NKAIN3: variants seen among roughly 807,000 people sequenced by gnomAD.
NKAIN3 encodes sodium/potassium-transporting ATPase subunit beta-1-interacting protein 3.
In NKAIN3, 25 loss-of-function variants were observed where a neutral mutation model predicts 30.2. That is an observed-to-expected ratio of 0.83 (90% CI 0.60 to 1.16). NKAIN3 has a LOEUF of 1.16. Ranked by LOEUF, NKAIN3 falls within the 50% of genes most tolerant of loss-of-function variation. The pLI, the probability that NKAIN3 is intolerant of heterozygous loss-of-function variation, is 0.00. For missense variants in NKAIN3, 225 were observed against 254.1 expected (o/e 0.89, Z 0.78); for synonymous variants, 91 against 89.6 (o/e 1.02, Z -0.09).
intron 1 of NKAIN3, among the ~76,000 whole-genome samples, chr8:62,303,006 C>T (rs987681425): frequency 3.3e-5 from 5 of 150,250 alleles, no homozygotes; most frequent in Admixed American, 6.6e-5. Flanking sequence ...CTGAGTTCTA[C>T]TTCAGGGGAT....
In NKAIN3 at chr8:62,967,041, C is replaced by T. The variant is rs1256244118; in HGVS notation, c.*1634C>T. On this transcript the variant is annotated 3_prime_UTR_variant, in exon 7 of 7. Coordinates refer to ENST00000623646, the MANE Select transcript of NKAIN3 (RefSeq NM_001304533.3). ...TTACTCACTAGCCTCCAGATTTTAC[C>T]CCTTTAATCCATTGGTACCCACAAA... Among the ~76,000 whole-genome samples the T allele has an allele frequency of 6.6e-6, 1 of 152,142 alleles. No homozygotes were observed. The highest frequency in any genetic ancestry group is 2.4e-5 in the African/African-American group (1 of 41,436).
intron 4 of NKAIN3, among the ~76,000 whole-genome samples, chr8:62,758,977 G>A (rs1285274432): frequency 6.6e-6 from 1 of 152,114 alleles, no homozygotes; most frequent in Non-Finnish European, 1.5e-5. Context: ...ATGGTCCCTG[G>A]AGATTCTCAA....
At position 62,560,755 on chromosome 8, in the gene NKAIN3, G is replaced by A. The variant is rs549219909; in HGVS notation, c.55-18784G>A. ...GGGGTTTCACCATGGTGGCCAGGCT[G>A]ACCCTGAACTCCTGACCTCAGGTAA... On this transcript the variant is annotated intron_variant, in intron 1 of 6. Coordinates refer to ENST00000623646, the MANE Select transcript of NKAIN3 (RefSeq NM_001304533.3). Among the ~76,000 whole-genome samples the A allele has an allele frequency of 4.4e-3, 670 of 151,828 alleles. 1 individual carries two copies. The highest frequency in any genetic ancestry group is 0.02 in the Middle Eastern group (6 of 294).
chr8:62,898,798 A>T (rs1356981410), intron 4 of NKAIN3, among the ~76,000 whole-genome samples: 1 of 148,814 alleles, frequency 6.7e-6, no homozygotes, highest in Non-Finnish European at 1.5e-5. Flanking sequence ...GAGATGATGT[A>T]CAGAATGGGA....
intron 3 of NKAIN3, among the ~76,000 whole-genome samples, chr8:62,663,784 GA>G (rs1249935690): frequency 1.3e-5 from 2 of 152,116 alleles, no homozygotes; most frequent in African/African-American, 4.8e-5. Context: ...TAATACAAAA[GA>G]ATAAAGGATC....
intron 3 of NKAIN3, among the ~76,000 whole-genome samples, chr8:62,707,792 T>C (rs1266719087): frequency 6.6e-6 from 1 of 152,172 alleles, no homozygotes; most frequent in African/African-American, 2.4e-5. Flanking sequence ...CATCATGAAA[T>C]CCTCGCCAAA....
intron 3 of NKAIN3, among the ~76,000 whole-genome samples, chr8:62,595,071 T>G (rs1810779572): frequency 2.0e-5 from 3 of 152,048 alleles, no homozygotes; most frequent in South Asian, 2.1e-4. Flanking sequence ...CCTGTTTTTC[T>G]TATTATTGTT....
At chr8:62,705,715 A>C (rs1814496887) in intron 3 of NKAIN3, among the ~76,000 whole-genome samples, 2 of 151,610 alleles carry the variant, frequency 1.3e-5, no homozygotes, top group Non-Finnish European at 1.5e-5. Context: ...TTTCTATTGA[A>C]TTTTTCGCTT....
Position 62,979,244 on chromosome 8 carries a change from A to G in NKAIN3, c.*13837A>G, listed in dbSNP as rs1384920395. On this transcript the variant is annotated 3_prime_UTR_variant, in exon 7 of 7. Coordinates refer to ENST00000623646, the MANE Select transcript of NKAIN3 (RefSeq NM_001304533.3). ...GTGTGTGAAAGAGAGAGAGAAACAG[A>G]AACAGAGACAAGGAGACAGAGACAG... 6.6e-6 allele frequency: 1 copy of G among 152,154 alleles called. No individual in the cohort carries two copies. The highest frequency in any genetic ancestry group is 1.9e-4 in the East Asian group (1 of 5,182). 9.4% of individuals were successfully genotyped at this position (152,154 alleles called of 1,614,324 possible). A position where few individuals can be genotyped will look rare whatever the true frequency, so the allele number is the denominator to read the frequency against.
At chr8:62,711,072 C>A (rs1814702167) in intron 3 of NKAIN3, among the ~76,000 whole-genome samples, 1 of 152,150 alleles carries the variant, frequency 6.6e-6, no homozygotes, top group African/African-American at 2.4e-5. Flanking sequence ...CCCCCAACCT[C>A]TTCTAGCTTG....
At chr8:62,694,348 A>G (rs1351653479) in intron 3 of NKAIN3, among the ~76,000 whole-genome samples, 1 of 152,172 alleles carries the variant, frequency 6.6e-6, no homozygotes, top group Non-Finnish European at 1.5e-5. Context: ...TGCTATATAC[A>G]TACAATAGGA....
chr8:62,595,495 A>G (rs572385270), intron 3 of NKAIN3, among the ~76,000 whole-genome samples: 73 of 150,358 alleles, frequency 4.9e-4, no homozygotes, highest in African/African-American at 1.5e-3. Flanking sequence ...GCCAGCTCCA[A>G]TACCTGGGTT....
At chr8:62,881,315 A>C (rs1439442889) in intron 4 of NKAIN3, among the ~76,000 whole-genome samples, 1 of 152,220 alleles carries the variant, frequency 6.6e-6, no homozygotes, top group African/African-American at 2.4e-5. Flanking sequence ...AGTCCCTGAC[A>C]ATCACTGATT....
intron 4 of NKAIN3, among the ~76,000 whole-genome samples, chr8:62,851,181 A>G (rs1819883882): frequency 1.3e-5 from 2 of 152,158 alleles, no homozygotes; most frequent in South Asian, 4.1e-4. Flanking sequence ...CATCCCTTGT[A>G]AGTTGGATTG....
At chr8:62,776,451 G>A (rs901377121) in intron 4 of NKAIN3, among the ~76,000 whole-genome samples, 4 of 151,814 alleles carry the variant, frequency 2.6e-5, no homozygotes, top group African/African-American at 7.3e-5. Flanking sequence ...TCTATTGTAT[G>A]TTTTCTGATT....
intron 1 of NKAIN3, among the ~76,000 whole-genome samples, chr8:62,276,847 A>G (rs935367714): frequency 1.3e-5 from 2 of 151,926 alleles, no homozygotes; most frequent in African/African-American, 4.8e-5. Flanking sequence ...AATTATTTGG[A>G]CTCTTTTTAG....
At chr8:62,419,251 T>C (rs975882831) in intron 1 of NKAIN3, among the ~76,000 whole-genome samples, 1 of 152,198 alleles carries the variant, frequency 6.6e-6, no homozygotes, top group Non-Finnish European at 1.5e-5. Context: ...TGACTGCATG[T>C]GGGTGATTGG....
At chr8:62,866,316 G>T (rs1433234572) in intron 4 of NKAIN3, among the ~76,000 whole-genome samples, 5 of 152,176 alleles carry the variant, frequency 3.3e-5, no homozygotes, top group African/African-American at 4.8e-5. Context: ...GCAGTGCAGT[G>T]GGCAGAATTC....
chr8:62,610,019 T>A (rs1299173794), intron 3 of NKAIN3, among the ~76,000 whole-genome samples: 1 of 151,944 alleles, frequency 6.6e-6, no homozygotes, highest in African/African-American at 2.4e-5. Context: ...GAAAGTAAGA[T>A]GACCCACAGA....
Sources: allele counts gnomAD v4.1 joint callset (sites outside exome capture counted in the v4.1 genomes callset), GRCh38; gene constraint gnomAD v4.1.1; transcripts MANE v1.5; gene names NCBI Gene and HGNC (gene_info 2026-07-23, HGNC 2026-07-21).